CDH23: variants seen among roughly 807,000 people sequenced by gnomAD.
The protein encoded by CDH23 is cadherin related 23.
A neutral mutation model predicts 317.1 loss-of-function variants in CDH23; 189 were observed. The ratio of observed to expected loss-of-function variants is 0.60; its 90% CI spans 0.53 to 0.67. The LOEUF is 0.67. Ranked by LOEUF, CDH23 falls within the 30% of genes least tolerant of loss-of-function variation. The probability of loss-of-function intolerance (pLI) is 0.00; values close to 1 mark genes in which losing one functional copy is unlikely to be tolerated. For missense variants in CDH23, 4,401 were observed against 4,592.4 expected, an observed-to-expected ratio of 0.96 and a Z score of 1.20; for synonymous variants, 1,839 against 1,876.8, an observed-to-expected ratio of 0.98 and a Z score of 0.52.
chr10:71,453,132 C>G (rs1018172686), intron 3 of CDH23, among the ~76,000 whole-genome samples: 1 of 152,192 alleles, frequency 6.6e-6, no homozygotes, highest in African/African-American at 2.4e-5. Context: ...GCATCTTAAG[C>G]CACAATTAAG....
At chr10:71,760,839 C>T in intron 38 of CDH23, 1 of 1,604,308 alleles carries the variant, frequency 6.2e-7, no homozygotes, top group Non-Finnish European at 8.5e-7. Context: ...AACAGAGAAC[C>T]CAAAAGGGGC....
At chr10:71,812,702 T>C in intron 67 of CDH23, 66 bp from the exon 68 acceptor site, 1 of 1,611,850 alleles carries the variant, frequency 6.2e-7, no homozygotes, top group African/African-American at 1.3e-5. Flanking sequence ...CTTTAAGGGG[T>C]GGCCCCCTCC....
At chr10:71,672,010 C>T (rs1034801040) in intron 14 of CDH23, among the ~76,000 whole-genome samples, 4 of 152,018 alleles carry the variant, frequency 2.6e-5, no homozygotes, top group Admixed American at 2.0e-4. Flanking sequence ...ACATGTGGAC[C>T]CCATGACCCC....
chr10:71,686,942 G>A (rs1456008944), intron 18 of CDH23, among the ~76,000 whole-genome samples: 8 of 152,240 alleles, frequency 5.3e-5, no homozygotes, highest in African/African-American at 1.7e-4. Context: ...GCAGGAGGCA[G>A]AAGTTGCCCA....
chr10:71,668,584 G>C (rs961173698), intron 14 of CDH23, among the ~76,000 whole-genome samples: 1 of 152,226 alleles, frequency 6.6e-6, no homozygotes, highest in Non-Finnish European at 1.5e-5. Context: ...ATAAAGTGGG[G>C]ATACTATGGT....
At chr10:71,527,766 C>T (rs140332181) in intron 6 of CDH23, among the ~76,000 whole-genome samples, 20 of 152,246 alleles carry the variant, frequency 1.3e-4, no homozygotes, top group African/African-American at 4.1e-4. Context: ...GAAATGGGGA[C>T]GATCACAAAC....
At chr10:71,511,419 C>T (rs74668415) in intron 6 of CDH23, among the ~76,000 whole-genome samples, 21 of 152,074 alleles carry the variant, frequency 1.4e-4, no homozygotes, top group Middle Eastern at 3.2e-3. Flanking sequence ...GCAGTTGGGC[C>T]GGTAGGTTGG....
chr10:71,454,846 T>TTA (rs59641822), intron 3 of CDH23, among the ~76,000 whole-genome samples: 2 of 20,088 alleles, frequency 1.0e-4, no homozygotes, highest in South Asian at 1.7e-3. Context: ...TTACATTTTA[T>TTA]TTTTTTTTTT....
chr10:71,760,851 A>T, intron 38 of CDH23: 1 of 1,609,920 alleles, frequency 6.2e-7, no homozygotes, highest in East Asian at 2.2e-5. Flanking sequence ...AAAAGGGGCA[A>T]GAGGTTGGTC....
At chr10:71,607,473 G>A (rs749729211) in intron 9 of CDH23, among the ~76,000 whole-genome samples, 5 of 152,220 alleles carry the variant, frequency 3.3e-5, no homozygotes, top group Non-Finnish European at 7.3e-5. Flanking sequence ...AATAAGACAT[G>A]CATACAAGAC....
chr10:71,769,191 A>G (rs915534262), intron 38 of CDH23, among the ~76,000 whole-genome samples: 2 of 152,212 alleles, frequency 1.3e-5, no homozygotes, highest in Non-Finnish European at 2.9e-5. Context: ...TACATCAAAG[A>G]GAAAGTCTCA....
Position 71,810,004 on chromosome 10 carries a change from C to T in CDH23, c.8907C>T (p.Arg2969=), listed in dbSNP as rs11000010. 8.6e-3 allele frequency: 13,860 copies of T among 1,612,394 alleles called. 404 individuals are homozygous for T. In the East Asian group the frequency reaches 0.11, roughly 13 times the overall value. ...TTAACGAGATCCCCGACCGTGTGCG[C>T]GGCTTCGAGGAGGAGTTCATCCACC... The part of the protein sequence containing the change: ...IVINEIPDRV[R]GFEEEFIHLL... The change falls in exon 61 of 70, where the codon CGC becomes CGT. Residue 2969 remains arginine, a synonymous_variant. Transcript: ENST00000224721.
At chr10:71,466,058 G>A (rs961591022) in intron 3 of CDH23, among the ~76,000 whole-genome samples, 24 of 152,296 alleles carry the variant, frequency 1.6e-4, no homozygotes, top group African/African-American at 5.1e-4. Context: ...AGGACATTCC[G>A]GAAAAGCAAG....
chr10:71,798,361 G>A lies in CDH23; in HGVS notation c.6837G>A (p.Leu2279=), dbSNP rs1191806147. ...TCCCTGCCTCCACCACAGCCAAGCT[G>A]ACTGTCAACGTCCTGGACGTCAATG... ...ERSVSVPNAK[L]TVNVLDVNDN... Residue 2279 remains leucine, a synonymous_variant, in exon 50 of 70, where the codon CTG becomes CTA. Coordinates refer to ENST00000224721, the MANE Select transcript of CDH23 (RefSeq NM_022124.6). 1.2e-6 allele frequency: 2 copies of A among 1,613,312 alleles called. No homozygotes were observed. Among genetic ancestry groups the A allele is most frequent in the South Asian group, 2.2e-5 (2 of 91,066 alleles).
intron 14 of CDH23, among the ~76,000 whole-genome samples, chr10:71,662,486 G>A (rs532610662): frequency 7.9e-5 from 12 of 152,226 alleles, no homozygotes; most frequent in African/African-American, 2.4e-4. Context: ...TATGACTTGT[G>A]GTGGGGACAC....
At chr10:71,612,148 G>A (rs1352304235) in intron 9 of CDH23, among the ~76,000 whole-genome samples, 1 of 152,190 alleles carries the variant, frequency 6.6e-6, no homozygotes, top group East Asian at 1.9e-4. Flanking sequence ...CTTTCTGGCT[G>A]TTGGTCTGGG....
chr10:71,564,340 G>A (rs895660719), intron 6 of CDH23, among the ~76,000 whole-genome samples: 1 of 152,206 alleles, frequency 6.6e-6, no homozygotes, highest in Non-Finnish European at 1.5e-5. Flanking sequence ...GACCTGAAAT[G>A]CAGGAAGTCA....
chr10:71,496,822 C>CAGGA (rs1853000847), intron 3 of CDH23, among the ~76,000 whole-genome samples: 1 of 102,404 alleles, frequency 9.8e-6, no homozygotes, highest in African/African-American at 3.2e-5. Flanking sequence ...TGTATGTGGT[C>CAGGA]TGGTGTACAG....
rs992628587 is a variant in CDH23, at chr10:71,694,079, C to G, written c.2177-68C>G. On this transcript the variant is annotated intron_variant, in intron 20 of 69. Transcript: ENST00000224721. ...ACCCTCTCTCCTTCCCTCGCTCTCT[C>G]TCTTCTTCCCTCCCTCTCTCCCTGG... The G allele has an allele frequency of 1.9e-4, 225 of 1,213,476 alleles. 1 individual carries two copies. Among genetic ancestry groups the G allele is most frequent in the Non-Finnish European group, 2.5e-4 (202 of 823,206 alleles). The allele number at this position is 1,213,476 out of a possible 1,614,324, so 75.2% of individuals were successfully genotyped here. A position where few individuals can be genotyped will look rare whatever the true frequency, so the allele number is the denominator to read the frequency against.
Sources: gnomAD v4.1 joint callset for allele counts (sites outside exome capture counted in the v4.1 genomes callset) on GRCh38, gnomAD v4.1.1 for gene constraint, MANE v1.5 for transcripts, NCBI Gene and HGNC (gene_info 2026-07-23, HGNC 2026-07-21) for gene names.